RPS6KA2: variants seen among roughly 807,000 people sequenced by gnomAD.
RPS6KA2 encodes the protein ribosomal protein S6 kinase alpha-2.
Under a neutral mutation model 91.8 loss-of-function variants are expected in RPS6KA2, and 42 were observed. That is an observed-to-expected ratio of 0.46 (90% CI 0.36 to 0.59). The LOEUF is 0.59. RPS6KA2 is among the 20% of genes least tolerant of loss of function. RPS6KA2 has a pLI of 0.00. For synonymous variants in RPS6KA2, 414 were observed against 393.6 expected (o/e 1.05, Z -0.61); for missense variants, 798 against 978.5 (o/e 0.82, Z 2.46).
chr6:166,536,650 C>G (rs1253510293), intron 2 of RPS6KA2, among the ~76,000 whole-genome samples: 2 of 152,190 alleles, frequency 1.3e-5, no homozygotes, highest in Admixed American at 1.3e-4. Context: ...CACGCCAGCC[C>G]CAGCCTGGAC....
chr6:166,626,954 C>G lies in RPS6KA2; in HGVS notation c.66G>C (p.Ser22=). Residue 22 remains serine, a synonymous_variant, in exon 1 of 21, where the codon TCG becomes TCC. Coordinates refer to ENST00000265678, the MANE Select transcript of RPS6KA2 (RefSeq NM_021135.6). The surrounding 1 kb of genome is among the most constrained non-coding windows in gnomAD (Gnocchi z 4.1). The part of the protein sequence containing the change: ...RFFSVYLRRK[S]RSKSSSLSRL... The stretch of plus-strand genomic sequence containing the variant: ...GGCTCAGGCTGGAGCTCTTGGAGCG[C>G]GACTTCCTGCGCAGGTACACAGAGA... The G allele has an allele frequency of 6.4e-7, 1 of 1,564,212 alleles. No homozygotes were observed.
intron 1 of RPS6KA2, chr6:166,586,455 A>G: frequency 6.3e-7 from 1 of 1,599,026 alleles, no homozygotes; most frequent in Non-Finnish European, 8.5e-7. Context: ...AAAATTTGGA[A>G]CAGCTTCGGC....
chr6:166,605,246 T>C (rs1034923299), intron 1 of RPS6KA2, among the ~76,000 whole-genome samples: 1 of 152,208 alleles, frequency 6.6e-6, no homozygotes, highest in Admixed American at 6.5e-5. Context: ...TAAAGCCACA[T>C]TGTGTTTGCA....
intron 2 of RPS6KA2, among the ~76,000 whole-genome samples, chr6:166,634,584 G>A (rs1187078072): frequency 6.6e-6 from 1 of 152,188 alleles, no homozygotes. Context: ...TGTAAATTAT[G>A]TGAGATGAGA....
chr6:166,764,798 C>A (rs955115683), intron 2 of RPS6KA2, among the ~76,000 whole-genome samples: 2 of 152,084 alleles, frequency 1.3e-5, no homozygotes, highest in African/African-American at 4.8e-5. Context: ...GCCACGCAAG[C>A]ACCTGCGTAA....
At chr6:166,413,683 A>C in intron 20 of RPS6KA2, 111 bp downstream of exon 20, 1 of 1,166,982 alleles carries the variant, frequency 8.6e-7, no homozygotes. Flanking sequence ...TGGGGCTGCT[A>C]TGGGCTCTTT....
intron 1 of RPS6KA2, among the ~76,000 whole-genome samples, chr6:166,581,161 G>A (rs1345256300): frequency 1.3e-5 from 2 of 152,126 alleles, no homozygotes; most frequent in African/African-American, 2.4e-5. Flanking sequence ...AAAGGGCTGG[G>A]TTTATAGGCT....
chr6:166,418,419 C>T lies in RPS6KA2; in HGVS notation c.1821-77G>A. On this transcript the variant is annotated intron_variant, in intron 18 of 20. Coordinates refer to ENST00000265678, the MANE Select transcript of RPS6KA2 (RefSeq NM_021135.6). The surrounding 1 kb of genome is among the most constrained non-coding windows in gnomAD (Gnocchi z 4.9). ...ATAAAGTTTGCAAGTTGATATCACC[C>T]CTTGGCTGTTCAAAGGAATAGCACT... 1 of 1,082,220 alleles carries T rather than the reference C, an allele frequency of 9.2e-7. No individual in the cohort carries two copies. The highest frequency in any genetic ancestry group is 1.4e-6 in the Non-Finnish European group (1 of 704,360). The allele number at this position is 1,082,220 out of a possible 1,614,324, so 67.0% of individuals were successfully genotyped here.
At chr6:166,521,194 C>T (rs1410826830) in intron 3 of RPS6KA2, among the ~76,000 whole-genome samples, 1 of 152,210 alleles carries the variant, frequency 6.6e-6, no homozygotes, top group African/African-American at 2.4e-5. Context: ...TGTGGCTGCC[C>T]TTACCTAAAT....
chr6:166,576,962 G>A (rs572523700), intron 1 of RPS6KA2, among the ~76,000 whole-genome samples: 1 of 151,206 alleles, frequency 6.6e-6, no homozygotes, highest in South Asian at 2.2e-4. Context: ...GCAGCCTAGG[G>A]ACTTGGTGCC....
chr6:166,826,288 AC>A (rs1202507554), intron 2 of RPS6KA2, among the ~76,000 whole-genome samples: 1 of 152,250 alleles, frequency 6.6e-6, no homozygotes, highest in African/African-American at 2.4e-5. Context: ...GTAGAAAGAT[AC>A]GTTTCCCATT....
At chr6:166,694,556 C>T (rs1789303787) in intron 2 of RPS6KA2, among the ~76,000 whole-genome samples, 1 of 152,222 alleles carries the variant, frequency 6.6e-6, no homozygotes, top group South Asian at 2.1e-4. Flanking sequence ...CTTTTTGAGG[C>T]TCTGACCACC....
chr6:166,530,726 A>C (rs1012926855), intron 3 of RPS6KA2, among the ~76,000 whole-genome samples: 4 of 152,036 alleles, frequency 2.6e-5, no homozygotes, highest in Non-Finnish European at 5.9e-5. Context: ...TCACATTCTG[A>C]CTCTAACGCT....
At chr6:166,427,815 G>A (rs1204394885) in intron 16 of RPS6KA2, among the ~76,000 whole-genome samples, 1 of 152,136 alleles carries the variant, frequency 6.6e-6, no homozygotes, top group Non-Finnish European at 1.5e-5. Flanking sequence ...ACAAACAAAT[G>A]GAAGAACATT....
chr6:166,457,327 C>T (rs561445076), intron 12 of RPS6KA2, among the ~76,000 whole-genome samples: 110 of 152,318 alleles, frequency 7.2e-4, no homozygotes, highest in African/African-American at 2.6e-3. Context: ...CCTGCCCCAT[C>T]TTTTCAAACT....
At chr6:166,683,955 C>A (rs1788922932) in intron 2 of RPS6KA2, among the ~76,000 whole-genome samples, 2 of 152,174 alleles carry the variant, frequency 1.3e-5, no homozygotes, top group South Asian at 4.1e-4. Context: ...CAGAGCTCAC[C>A]AGGCAGCAGC....
chr6:166,506,487 C>T (rs1482167311), intron 5 of RPS6KA2, among the ~76,000 whole-genome samples: 1 of 152,182 alleles, frequency 6.6e-6, no homozygotes, highest in Non-Finnish European at 1.5e-5. Context: ...ACACCAGGCT[C>T]CAGCATCTTT....
At chr6:166,844,749 A>G (rs1780566391) in intron 2 of RPS6KA2, among the ~76,000 whole-genome samples, 1 of 152,238 alleles carries the variant, frequency 6.6e-6, no homozygotes, top group African/African-American at 2.4e-5. Context: ...CCAAGCCAGC[A>G]CTACGAGAAC....
At chr6:166,790,776 G>T (rs1439074015) in intron 2 of RPS6KA2, among the ~76,000 whole-genome samples, 2 of 152,188 alleles carry the variant, frequency 1.3e-5, no homozygotes, top group Non-Finnish European at 2.9e-5. Flanking sequence ...CTTCATAAGT[G>T]AAAGAGAAAT....
Sources: gnomAD v4.1 joint callset for allele counts (sites outside exome capture counted in the v4.1 genomes callset) on GRCh38, gnomAD v4.1.1 for gene constraint, Gnocchi (gnomAD v3.1) non-coding constraint, MANE v1.5 for transcripts, NCBI Gene and HGNC (gene_info 2026-07-23, HGNC 2026-07-21) for gene names.